DNAH14: variants seen among roughly 807,000 people sequenced by gnomAD.
DNAH14 encodes the protein axonemal beta dynein heavy chain 14.
Under a neutral mutation model 520.9 loss-of-function variants are expected in DNAH14, and 478 were observed. That is an observed-to-expected ratio of 0.92 (90% CI 0.85 to 0.99). The LOEUF (loss-of-function observed/expected upper bound fraction) is 0.99. DNAH14 is among the 50% of genes least tolerant of loss of function. The pLI is 0.00. For missense variants in DNAH14, 4,831 were observed against 5,234.5 expected (o/e 0.92, Z 2.38); for synonymous variants, 1,581 against 1,757.2 (o/e 0.90, Z 2.51).
At chr1:225,163,766 T>C (rs942528948) in intron 35 of DNAH14, among the ~76,000 whole-genome samples, 1 of 152,204 alleles carries the variant, frequency 6.6e-6, no homozygotes, top group African/African-American at 2.4e-5. Context: ...TAGTATTTCA[T>C]TGAGAATTTT....
intron 7 of DNAH14, 134 bp downstream of exon 7, chr1:224,969,008 T>G: frequency 3.5e-6 from 2 of 570,468 alleles, no homozygotes; most frequent in East Asian, 3.6e-5. Context: ...AAAAATTTTT[T>G]ACGGAACACC....
intron 17 of DNAH14, 54 bp from the exon 18 acceptor site, chr1:225,079,153 C>A (rs1299592608): frequency 6.3e-6 from 9 of 1,437,026 alleles, no homozygotes; most frequent in African/African-American, 1.4e-5. Flanking sequence ...AGTAATTAGT[C>A]TTCCAAAATG....
intron 46 of DNAH14, among the ~76,000 whole-genome samples, 163 bp downstream of exon 46, chr1:225,259,416 T>C (rs1369836681): frequency 6.6e-6 from 1 of 152,184 alleles, no homozygotes; most frequent in Admixed American, 6.5e-5. Context: ...GATTTCTCTT[T>C]TATTTTTTCC....
At chr1:225,286,080 T>A (rs1380526410) in intron 54 of DNAH14, among the ~76,000 whole-genome samples, 1 of 152,190 alleles carries the variant, frequency 6.6e-6, no homozygotes, top group South Asian at 2.1e-4. Context: ...TTCTCACTCA[T>A]GTGAAAACTG....
At chr1:225,290,641 G>GTATATATATATA (rs777422222) in intron 55 of DNAH14, among the ~76,000 whole-genome samples, 4 of 91,242 alleles carry the variant, frequency 4.4e-5, no homozygotes, top group Non-Finnish European at 8.7e-5. Flanking sequence ...ATGTGTGTGT[G>GTATATATATATA]TGTGTGTATA....
chr1:225,122,498 G>A (rs181588659), intron 26 of DNAH14, among the ~76,000 whole-genome samples: 7 of 152,238 alleles, frequency 4.6e-5, no homozygotes, highest in South Asian at 2.1e-4. Flanking sequence ...ATATCAATGC[G>A]AGTGTGCAGT....
chr1:225,237,699 T>A (rs960054266), intron 42 of DNAH14, among the ~76,000 whole-genome samples: 1 of 152,216 alleles, frequency 6.6e-6, no homozygotes, highest in African/African-American at 2.4e-5. Flanking sequence ...TCCTGAAGTA[T>A]GTTTTCCAAC....
intron 19 of DNAH14, among the ~76,000 whole-genome samples, chr1:225,081,998 CTG>C (rs1558897176): frequency 6.6e-6 from 1 of 152,066 alleles, no homozygotes; most frequent in Non-Finnish European, 1.5e-5. Context: ...CAGCTGAGTA[CTG>C]TGTCTCATGC....
intron 81 of DNAH14, among the ~76,000 whole-genome samples, chr1:225,386,948 T>A (rs977822932): frequency 6.6e-6 from 1 of 152,206 alleles, no homozygotes; most frequent in African/African-American, 2.4e-5. Context: ...GTATGTTTAT[T>A]GCGGCACTAT....
At chr1:225,364,604 C>T (rs1049425836) in intron 75 of DNAH14, among the ~76,000 whole-genome samples, 188 bp from the exon 76 acceptor site, 1 of 151,670 alleles carries the variant, frequency 6.6e-6, no homozygotes, top group Admixed American at 6.6e-5. Context: ...GAAAGCTACT[C>T]TTAAAATGTA....
At chr1:225,213,432 A>C (rs1040418377) in intron 41 of DNAH14, among the ~76,000 whole-genome samples, 2 of 152,156 alleles carry the variant, frequency 1.3e-5, no homozygotes, top group African/African-American at 4.8e-5. Flanking sequence ...AGTTTTATCC[A>C]ATTCTGTGAA....
At chr1:225,067,822 T>A (rs2071079407) in intron 17 of DNAH14, among the ~76,000 whole-genome samples, 1 of 152,176 alleles carries the variant, frequency 6.6e-6, no homozygotes, top group African/African-American at 2.4e-5. Context: ...TGTAAATTTG[T>A]TTACATTCCT....
intron 73 of DNAH14, among the ~76,000 whole-genome samples, chr1:225,355,323 G>A (rs2095418260): frequency 1.3e-5 from 2 of 152,062 alleles, no homozygotes; most frequent in Non-Finnish European, 2.9e-5. Flanking sequence ...CATCCAGGCT[G>A]TAGTGCAGTG....
intron 69 of DNAH14, among the ~76,000 whole-genome samples, chr1:225,343,443 C>T (rs768707672): frequency 1.2e-4 from 19 of 152,132 alleles, no homozygotes; most frequent in Non-Finnish European, 2.6e-4. Flanking sequence ...TCCTAGGATC[C>T]TCCTGAGTGT....
At chr1:225,213,656 T>C (rs2088812068) in intron 41 of DNAH14, among the ~76,000 whole-genome samples, 1 of 152,184 alleles carries the variant, frequency 6.6e-6, no homozygotes, top group African/African-American at 2.4e-5. Flanking sequence ...GGTATTTTAT[T>C]GTCTTTGAAG....
intron 8 of DNAH14, among the ~76,000 whole-genome samples, chr1:224,995,890 T>C (rs1311751279): frequency 1.3e-5 from 2 of 152,088 alleles, no homozygotes; most frequent in African/African-American, 2.4e-5. Flanking sequence ...TGTATTTTGC[T>C]TCTTTTATTA....
chr1:225,127,747 CATT>C (rs1156951098), intron 27 of DNAH14, among the ~76,000 whole-genome samples: 1 of 152,076 alleles, frequency 6.6e-6, no homozygotes, highest in Non-Finnish European at 1.5e-5. Context: ...TTGATCCTGT[CATT>C]ATGATGTTAG....
chr1:224,957,604 G>T lies in DNAH14; in HGVS notation c.217+2506G>T, dbSNP rs1006480669. 2.0e-5 allele frequency among the ~76,000 whole-genome samples: 3 copies of T among 152,100 alleles called. No homozygotes were observed. In the South Asian group the frequency reaches 6.2e-4, roughly 31 times the overall value. On this transcript the variant is annotated intron_variant, in intron 3 of 85. Coordinates refer to ENST00000682510, the MANE Select transcript of DNAH14 (RefSeq NM_001367479.1). ...AGAGTTAAGCTGAATAGGATGACAA[G>T]AAAGACAGAGTGTGAGGTGTCACAG...
chr1:225,051,345 C>T, intron 16 of DNAH14, 106 bp from the exon 17 acceptor site: 1 of 770,450 alleles, frequency 1.3e-6, no homozygotes, highest in South Asian at 3.0e-5. Flanking sequence ...AAATAAACTC[C>T]ACATAGCACT....
Sources: allele counts gnomAD v4.1 joint callset (sites outside exome capture counted in the v4.1 genomes callset), GRCh38; gene constraint gnomAD v4.1.1; transcripts MANE v1.5; gene names NCBI Gene and HGNC (gene_info 2026-07-23, HGNC 2026-07-21).